RAP1B: variants seen among roughly 807,000 people sequenced by gnomAD.
RAP1B encodes RAP1B, member of RAS oncogene family, also known as ras-related protein Rap-1b.
In RAP1B, 1 loss-of-function variant was observed where a neutral mutation model predicts 27.5. That is an observed-to-expected ratio of 0.04 (90% CI 0.01 to 0.17). The LOEUF (loss-of-function observed/expected upper bound fraction) is 0.17. Ranked by LOEUF, RAP1B falls within the 10% of genes least tolerant of loss-of-function variation. The pLI is 1.00. For synonymous variants in RAP1B, 75 were observed against 73.1 expected (o/e 1.03, Z -0.13); for missense variants, 84 against 214.8 (o/e 0.39, Z 3.81).
chr12:68,616,367 C>T (rs928709116), intron 1 of RAP1B, among the ~76,000 whole-genome samples: 1 of 151,844 alleles, frequency 6.6e-6, no homozygotes, highest in Non-Finnish European at 1.5e-5. Context: ...TCACCACAGC[C>T]TCCGCCTCCA....
At chr12:68,614,017 A>AT (rs1384805310) in intron 1 of RAP1B, among the ~76,000 whole-genome samples, 1 of 152,218 alleles carries the variant, frequency 6.6e-6, no homozygotes, top group Non-Finnish European at 1.5e-5. Context: ...AACTAGATCC[A>AT]TTTTTGTAAG....
intron 1 of RAP1B, among the ~76,000 whole-genome samples, chr12:68,621,244 C>A (rs1871363914): frequency 6.6e-6 from 1 of 150,630 alleles, no homozygotes; most frequent in Non-Finnish European, 1.5e-5. Flanking sequence ...TTAGTGCTCC[C>A]TATATTAAAT....
At chr12:68,650,721 A>C (rs1177230951) in intron 3 of RAP1B, 1 of 223,258 alleles carries the variant, frequency 4.5e-6, no homozygotes, top group Non-Finnish European at 8.6e-6. Flanking sequence ...CATTTCAAGT[A>C]GTAGCCCCAT....
At position 68,654,367 on chromosome 12, in the gene RAP1B, G is replaced by GT. The variant is rs1442753833; in HGVS notation, c.324+122dup. The GT allele has an allele frequency of 6.8e-6, 5 of 732,918 alleles. 1 individual carries two copies. Among genetic ancestry groups the GT allele is most frequent in the South Asian group, 5.2e-5 (2 of 38,430 alleles). 45.4% of individuals were successfully genotyped at this position (732,918 alleles called of 1,614,324 possible). ...TATTTTGGTTGGGGGGGGGGTGTTGGTTTTTTTAAACTTTTTCCTTGAAAG... is the reference window on the plus strand; with the variant it reads ...TATTTTGGTTGGGGGGGGGGTGTTGGTTTTTTTTAAACTTTTTCCTTGAAAG... On this transcript the variant is annotated intron_variant, in intron 5 of 7. Transcript: ENST00000250559.
chr12:68,613,087 G>A (rs886234785), intron 1 of RAP1B, among the ~76,000 whole-genome samples: 2 of 152,118 alleles, frequency 1.3e-5, no homozygotes, highest in African/African-American at 4.8e-5. Flanking sequence ...GGGCGTGGTG[G>A]TTTACGCCTG....
rs745561909 is a variant in RAP1B, at chr12:68,669,935, C to CCTT, written c.*10686_*10687insCTT. 1 of 105,394 alleles carries CCTT rather than the reference C, an allele frequency of 9.5e-6. No homozygotes were observed. Among genetic ancestry groups the CCTT allele is most frequent in the East Asian group, 2.8e-4 (1 of 3,566 alleles). The allele number at this position is 105,394 out of a possible 1,614,324, so 6.5% of individuals were successfully genotyped here. On this transcript the variant is annotated 3_prime_UTR_variant, in exon 8 of 8. Transcript: ENST00000250559. ...GACAAAAATATATTTCTTTTTCTTT[C>CCTT]TTTTTTTTTTTTTTTTTTTTGAGAC...
At chr12:68,652,366 A>C (rs2135963585) in intron 4 of RAP1B, among the ~76,000 whole-genome samples, 1 of 152,214 alleles carries the variant, frequency 6.6e-6, no homozygotes, top group East Asian at 1.9e-4. Context: ...GAATCTCTTG[A>C]ACCCAGGAGG....
chr12:68,631,261 T>C (rs1485163125), intron 1 of RAP1B, among the ~76,000 whole-genome samples: 1 of 152,218 alleles, frequency 6.6e-6, no homozygotes, highest in African/African-American at 2.4e-5. Flanking sequence ...ACTATCCTTA[T>C]GTCACTTTCT....
intron 1 of RAP1B, among the ~76,000 whole-genome samples, chr12:68,619,405 T>C (rs1026910053): frequency 3.3e-5 from 5 of 152,244 alleles, no homozygotes; most frequent in Admixed American, 2.0e-4. Flanking sequence ...ATTATCTGCA[T>C]AACTGAGTCA....
intron 1 of RAP1B, among the ~76,000 whole-genome samples, chr12:68,638,173 G>T (rs1872755617): frequency 6.6e-6 from 1 of 151,920 alleles, no homozygotes; most frequent in African/African-American, 2.4e-5. Flanking sequence ...TGTATATTTG[G>T]TATATAGATT....
chr12:68,666,707 T>A lies in RAP1B; in HGVS notation c.*7458T>A, dbSNP rs1381036598. 1.3e-5 allele frequency: 2 copies of A among 152,250 alleles called. No homozygotes were observed. The highest frequency in any genetic ancestry group is 4.8e-5 in the African/African-American group (2 of 41,454). 9.4% of individuals were successfully genotyped at this position (152,250 alleles called of 1,614,324 possible). The stretch of plus-strand genomic sequence containing the variant: ...AGACAGAAGTTTGGGGGTTGGGATG[T>A]GGACATGCCTTTGGGAGCCATTAAC... On this transcript the variant is annotated 3_prime_UTR_variant, in exon 8 of 8. Coordinates refer to ENST00000250559, the MANE Select transcript of RAP1B (RefSeq NM_001010942.3).
intron 1 of RAP1B, chr12:68,626,948 C>G: frequency 6.5e-7 from 1 of 1,530,212 alleles, no homozygotes; most frequent in Non-Finnish European, 8.9e-7. Context: ...CTGGGATGAG[C>G]CGCTTCTCAG....
chr12:68,612,053 G>A (rs1006758895), intron 1 of RAP1B, among the ~76,000 whole-genome samples: 1 of 152,110 alleles, frequency 6.6e-6, no homozygotes, highest in African/African-American at 2.4e-5. Flanking sequence ...CTTCTGATTG[G>A]TATGAATAGA....
intron 1 of RAP1B, among the ~76,000 whole-genome samples, chr12:68,630,396 A>G (rs1056946138): frequency 3.9e-5 from 6 of 152,190 alleles, no homozygotes; most frequent in African/African-American, 1.4e-4. Context: ...CTGTGTTCCA[A>G]CAAAATTTTA....
chr12:68,654,311 G>T, intron 5 of RAP1B, 59 bp downstream of exon 5: 21 of 777,450 alleles, frequency 2.7e-5, no homozygotes, highest in East Asian at 8.1e-5. Context: ...AATTGTTTAA[G>T]TCTAAATTTA....
intron 6 of RAP1B, 91 bp from the exon 7 acceptor site, chr12:68,657,010 C>A (rs1874252879): frequency 9.6e-7 from 1 of 1,046,580 alleles, no homozygotes; most frequent in Non-Finnish European, 1.5e-6. Flanking sequence ...TAATTTATAT[C>A]CATGGAAATT....
chr12:68,626,236 GT>G (rs1291695432), intron 1 of RAP1B, among the ~76,000 whole-genome samples: 1 of 152,160 alleles, frequency 6.6e-6, no homozygotes, highest in Non-Finnish European at 1.5e-5. Flanking sequence ...GGTATGCTTT[GT>G]TCTGGAGTTC....
At chr12:68,632,938 C>G (rs117705998) in intron 1 of RAP1B, among the ~76,000 whole-genome samples, 1 of 152,146 alleles carries the variant, frequency 6.6e-6, no homozygotes, top group Non-Finnish European at 1.5e-5. Flanking sequence ...ACTGAAGTAA[C>G]TGGGACTATA....
Position 68,648,719 on chromosome 12 carries a change from TG to T in RAP1B, c.-5del, listed in dbSNP as rs1488941234. ...ATAAGGTACTAGGTTTTGACAAGCT[TG>T]CATCATGCGTGAGTATAAGCTAGTC... is the stretch of plus-strand genomic sequence containing the variant. On this transcript the variant is annotated 5_prime_UTR_variant, in exon 2 of 8. Coordinates refer to ENST00000250559, the MANE Select transcript of RAP1B (RefSeq NM_001010942.3). 6.2e-7 allele frequency: 1 copy of T among 1,611,792 alleles called. No homozygotes were observed. Among genetic ancestry groups the T allele is most frequent in the South Asian group, 1.1e-5 (1 of 90,586 alleles).
Sources: gnomAD v4.1 joint callset for allele counts (sites outside exome capture counted in the v4.1 genomes callset) on GRCh38, gnomAD v4.1.1 for gene constraint, MANE v1.5 for transcripts, NCBI Gene and HGNC (gene_info 2026-07-23, HGNC 2026-07-21) for gene names.